NAV2: variants seen among roughly 807,000 people sequenced by gnomAD.
The protein encoded by NAV2 is helicase, APC down-regulated 1.
NAV2 carries 54 observed loss-of-function variants against 223.2 expected under a neutral mutation model. That is an observed-to-expected ratio of 0.24 (90% CI 0.19 to 0.30). The LOEUF (loss-of-function observed/expected upper bound fraction) is 0.30. Among genes scored for constraint, NAV2 ranks in the 10% least tolerant of loss-of-function variants. NAV2 has a pLI of 1.00. For synonymous variants in NAV2, 1,279 were observed against 1,239.3 expected (o/e 1.03, Z -0.67); for missense variants, 2,806 against 3,147.5 (o/e 0.89, Z 2.60).
At chr11:19,682,449 A>C (rs1201980656) in intron 1 of NAV2, among the ~76,000 whole-genome samples, 1 of 152,238 alleles carries the variant, frequency 6.6e-6, no homozygotes, top group African/African-American at 2.4e-5. Flanking sequence ...CACATTGTGA[A>C]GTGCTTTATA....
At chr11:19,855,567 TC>T (rs1449893021) in intron 3 of NAV2, among the ~76,000 whole-genome samples, 1 of 152,162 alleles carries the variant, frequency 6.6e-6, no homozygotes, top group Non-Finnish European at 1.5e-5. Context: ...GCAGAACCTG[TC>T]CACAGTGTCG....
At position 19,496,421 on chromosome 11, in the gene NAV2, C is replaced by T. The variant is rs557926151; in HGVS notation, c.75+145394C>T. Among the ~76,000 whole-genome samples, 6 of 152,298 alleles carry T rather than the reference C, an allele frequency of 3.9e-5. No individual in the cohort carries two copies. In the South Asian group the frequency reaches 8.3e-4, roughly 21 times the overall value. On this transcript the variant is annotated intron_variant, in intron 1 of 37. Transcript: ENST00000360655. ...TGGAGGCTTGACTGGGGCTGGAGGA[C>T]CTGTTTCTGAGATGATTTACCCACA...
At chr11:19,964,779 G>T (rs2048622040) in intron 10 of NAV2, among the ~76,000 whole-genome samples, 1 of 145,252 alleles carries the variant, frequency 6.9e-6, no homozygotes, top group Non-Finnish European at 1.5e-5. Flanking sequence ...GGGATTACAG[G>T]CATAAGCCAC....
chr11:19,700,359 A>G lies in NAV2; in HGVS notation c.76-132125A>G, dbSNP rs75073891. 0.014 allele frequency among the ~76,000 whole-genome samples: 2,198 copies of G among 152,220 alleles called. 105 individuals carry two copies. In the East Asian group the frequency reaches 0.17, roughly 12 times the overall value. ...GTCACACGTATGCAATCAAATTCCA[A>G]AATCATCCTTTTAACCAGTAAGCTC... On this transcript the variant is annotated intron_variant, in intron 1 of 37. Transcript: ENST00000360655.
rs1044036694 is a variant in NAV2, at chr11:19,713,530, C to T, written c.-166C>T. ...CCGGCACCCCAAAGGCGCGCTCGCCCGATTGCTTCGAGTTCCCCGACCTGG... is the reference window on the plus strand; with the variant it reads ...CCGGCACCCCAAAGGCGCGCTCGCCTGATTGCTTCGAGTTCCCCGACCTGG... On this transcript the variant is annotated 5_prime_UTR_variant, in exon 1 of 38. Transcript: ENST00000349880. The surrounding 1 kb of genome is among the most constrained non-coding windows in gnomAD (Gnocchi z 7.2). The T allele has an allele frequency of 2.9e-6, 4 of 1,399,478 alleles. No individual in the cohort carries two copies. Among genetic ancestry groups the T allele is most frequent in the Non-Finnish European group, 3.7e-6 (4 of 1,081,100 alleles). The allele number at this position is 1,399,478 out of a possible 1,614,324, so 86.7% of individuals were successfully genotyped here.
intron 1 of NAV2, among the ~76,000 whole-genome samples, chr11:19,484,399 C>T (rs973046359): frequency 6.6e-6 from 1 of 152,192 alleles, no homozygotes; most frequent in African/African-American, 2.4e-5. Flanking sequence ...TGTTAGAAAG[C>T]ATCTCTTCTT....
chr11:19,681,604 G>A (rs1590081924), intron 1 of NAV2, among the ~76,000 whole-genome samples: 1 of 152,318 alleles, frequency 6.6e-6, no homozygotes, highest in African/African-American at 2.4e-5. Flanking sequence ...TTTAGCAATA[G>A]GTTTGCCCCT....
chr11:19,396,559 T>C (rs1231469793), intron 1 of NAV2, among the ~76,000 whole-genome samples: 1 of 152,166 alleles, frequency 6.6e-6, no homozygotes, highest in Non-Finnish European at 1.5e-5. Context: ...CTGTTGCATC[T>C]CCAGAAGGAG....
chr11:19,983,551 T>C (rs756930450), intron 10 of NAV2, among the ~76,000 whole-genome samples: 1 of 152,188 alleles, frequency 6.6e-6, no homozygotes, highest in Non-Finnish European at 1.5e-5. Context: ...ATGCCCATGT[T>C]GTGATATTCC....
intron 22 of NAV2, among the ~76,000 whole-genome samples, chr11:20,071,395 A>G (rs1199688485): frequency 5.3e-5 from 8 of 152,250 alleles, no homozygotes; most frequent in Admixed American, 5.2e-4. Context: ...AATCTTTGCT[A>G]TTGTGAACAG....
intron 1 of NAV2, among the ~76,000 whole-genome samples, chr11:19,367,925 A>T (rs1244854021): frequency 6.6e-6 from 1 of 152,186 alleles, no homozygotes; most frequent in Non-Finnish European, 1.5e-5. Flanking sequence ...TCACACATTC[A>T]TTCAATGCAT....
chr11:19,776,108 T>C (rs1590431132), intron 1 of NAV2, among the ~76,000 whole-genome samples: 1 of 139,722 alleles, frequency 7.2e-6, no homozygotes, highest in Non-Finnish European at 1.6e-5. Context: ...TTTCTCATTA[T>C]AACTCTCTGC....
chr11:19,696,904 T>C (rs964675511), intron 1 of NAV2, among the ~76,000 whole-genome samples: 1 of 152,208 alleles, frequency 6.6e-6, no homozygotes, highest in Non-Finnish European at 1.5e-5. Flanking sequence ...GATTTTCCTC[T>C]TTAATCCTCA....
intron 1 of NAV2, among the ~76,000 whole-genome samples, chr11:19,701,613 A>T (rs1453706990): frequency 6.6e-6 from 1 of 152,238 alleles, no homozygotes; most frequent in Non-Finnish European, 1.5e-5. Flanking sequence ...GACTGCCTTG[A>T]AAAGGAAATT....
intron 1 of NAV2, among the ~76,000 whole-genome samples, chr11:19,623,198 T>C (rs1470474473): frequency 1.3e-5 from 2 of 152,192 alleles, no homozygotes; most frequent in Non-Finnish European, 2.9e-5. Flanking sequence ...GCCCTTAACA[T>C]TTTTTCCTTC....
intron 1 of NAV2, among the ~76,000 whole-genome samples, chr11:19,445,751 ATTT>A (rs11312196): frequency 0.021 from 2,840 of 134,902 alleles, 90 homozygotes; most frequent in African/African-American, 0.074. Flanking sequence ...TGGGCCTCTG[ATTT>A]TTTTTTTTTT....
intron 1 of NAV2, among the ~76,000 whole-genome samples, chr11:19,775,748 C>A (rs754986203): frequency 6.6e-6 from 1 of 152,096 alleles, no homozygotes; most frequent in Non-Finnish European, 1.5e-5. Flanking sequence ...AGACATGAGA[C>A]CATGGGCAAG....
At chr11:19,463,364 C>A (rs1852232550) in intron 1 of NAV2, among the ~76,000 whole-genome samples, 2 of 152,160 alleles carry the variant, frequency 1.3e-5, no homozygotes, top group Admixed American at 1.3e-4. Flanking sequence ...ACTGGCCTAC[C>A]CGTCTCCACT....
At chr11:19,576,712 C>T (rs764712854) in intron 1 of NAV2, among the ~76,000 whole-genome samples, 2 of 152,202 alleles carry the variant, frequency 1.3e-5, no homozygotes, top group Non-Finnish European at 2.9e-5. Flanking sequence ...TCTGTATGGT[C>T]CTTTTCACGT....
Sources: allele counts gnomAD v4.1 joint callset (sites outside exome capture counted in the v4.1 genomes callset), GRCh38; gene constraint gnomAD v4.1.1; non-coding constraint Gnocchi (gnomAD v3.1); transcripts MANE v1.5; gene names NCBI Gene and HGNC (gene_info 2026-07-23, HGNC 2026-07-21).